SP2: variants seen among roughly 807,000 people sequenced by gnomAD.
SP2 encodes the protein transcription factor Sp2.
Under a neutral mutation model 50.1 loss-of-function variants are expected in SP2, and 9 were observed. The observed-to-expected ratio is 0.18, with a 90% CI of 0.11 to 0.31. The LOEUF (loss-of-function observed/expected upper bound fraction) is 0.31. SP2 is among the 10% of genes least tolerant of loss of function. The pLI, the probability that SP2 is intolerant of heterozygous loss-of-function variation, is 1.00. For missense variants in SP2, 581 were observed against 806.5 expected (o/e 0.72, Z 3.39); for synonymous variants, 313 against 326.6 (o/e 0.96, Z 0.45).
chr17:47,909,918 G>A (rs1024809279), intron 1 of SP2, among the ~76,000 whole-genome samples: 2 of 152,154 alleles, frequency 1.3e-5, no homozygotes, highest in African/African-American at 4.8e-5. Context: ...CACCATCTCG[G>A]CTCACTGCAA....
rs774644043 is a variant in SP2 at position 47,925,020 on chromosome 17, G to A, written c.1474G>A (p.Gly492Arg). 3.5e-5 allele frequency: 57 copies of A among 1,614,046 alleles called. No homozygotes were observed. Among genetic ancestry groups the A allele is most frequent in the East Asian group, 6.7e-5 (3 of 44,894 alleles). ...IQLQMEQALA[G>R]ETQPGEKRRR... ...GCTGCAAATGGAACAAGCCCTGGCC[G>A]GAGAGACCCAGCCCGGGGAGAAGCG... is the stretch of plus-strand genomic sequence containing the variant. Residue 492 changes from glycine (G) to arginine (R), a missense_variant, in exon 5 of 7, where the codon GGA becomes AGA. Gly to Arg is a moderately radical substitution (Grantham distance 125). This residue lies in a region of SP2 where 184 missense variants were observed against 315.5 expected (regional missense o/e 0.58). Transcript: ENST00000376741.
intron 4 of SP2, among the ~76,000 whole-genome samples, chr17:47,924,248 ACTT>A (rs759712109): frequency 1.3e-4 from 19 of 151,420 alleles, no homozygotes; most frequent in East Asian, 2.0e-4. Flanking sequence ...CAGTCCTCCT[ACTT>A]CTTCTTCCTG....
At chr17:47,926,318 T>TG (rs1469891528) in intron 6 of SP2, among the ~76,000 whole-genome samples, 9 of 148,758 alleles carry the variant, frequency 6.1e-5, no homozygotes, top group East Asian at 2.0e-4. Flanking sequence ...GCTTTTTGTT[T>TG]TTTTTTTTTT....
At chr17:47,898,344 A>C (rs1271306310) in intron 1 of SP2, 1 of 152,194 alleles carries the variant, frequency 6.6e-6, no homozygotes, top group East Asian at 1.9e-4. Flanking sequence ...TTTGGCCTTG[A>C]ACTTCTTATT....
chr17:47,911,767 C>T (rs1325549522), intron 1 of SP2, among the ~76,000 whole-genome samples: 2 of 150,524 alleles, frequency 1.3e-5, no homozygotes, highest in Non-Finnish European at 3.0e-5. Flanking sequence ...ATCGTGTCAC[C>T]GCACTCCAAC....
intron 6 of SP2, among the ~76,000 whole-genome samples, chr17:47,926,032 T>C: frequency 6.8e-6 from 1 of 147,122 alleles, no homozygotes; most frequent in East Asian, 2.1e-4. Flanking sequence ...TTCTCCTGCC[T>C]CAGCTTCTCA....
intron 1 of SP2, among the ~76,000 whole-genome samples, chr17:47,902,295 A>G (rs1373909525): frequency 2.0e-5 from 3 of 152,164 alleles, no homozygotes; most frequent in African/African-American, 7.2e-5. Context: ...CAGGTGAAAG[A>G]GGTTAGGTCA....
chr17:47,925,232 C>T, intron 5 of SP2, 116 bp from the exon 6 acceptor site: 1 of 1,408,968 alleles, frequency 7.1e-7, no homozygotes, highest in Non-Finnish European at 9.7e-7. Context: ...CCCCCTGCCT[C>T]CTTGTGCTCT....
At chr17:47,922,709 C>A (rs1400616576) in intron 3 of SP2, among the ~76,000 whole-genome samples, 1 of 152,132 alleles carries the variant, frequency 6.6e-6, no homozygotes, top group Non-Finnish European at 1.5e-5. Context: ...AATTCTGATT[C>A]TTGGCAATTA....
chr17:47,930,727 GA>G (rs2035800976), downstream of SP2, among the ~76,000 whole-genome samples: 1 of 152,160 alleles, frequency 6.6e-6, no homozygotes, highest in South Asian at 2.1e-4. Flanking sequence ...ACCTGATCCT[GA>G]TGGGCCCTTG....
In SP2 at chr17:47,919,825, C is replaced by CTTTTTTTTTTTTTTTTT. The variant is rs141856390; in HGVS notation, c.1059+2701_1059+2717dup. On this transcript the variant is annotated intron_variant, in intron 3 of 6. Coordinates refer to ENST00000376741, the MANE Select transcript of SP2 (RefSeq NM_003110.6). Reference sequence around the variant, plus strand: ...TTTGATCTGAAACACTTTGTCATTCCTTTTTTTTTTTTTTTTTTTTTTCTG... The same window carrying CTTTTTTTTTTTTTTTTT: ...TTTGATCTGAAACACTTTGTCATTCCTTTTTTTTTTTTTTTTTTTTTTTTTTTTTTTTTTTTTTTCTG... 7.5e-4 allele frequency among the ~76,000 whole-genome samples: 71 copies of CTTTTTTTTTTTTTTTTT among 94,800 alleles called. 3 individuals carry two copies. The highest frequency in any genetic ancestry group is 2.5e-3 in the East Asian group (6 of 2,372). The allele number at this position is 94,800 out of a possible 152,430, so 62.2% of individuals were successfully genotyped here. A position where few individuals can be genotyped will look rare whatever the true frequency, so the allele number is the denominator to read the frequency against.
At chr17:47,903,197 T>A (rs567309877) in intron 1 of SP2, among the ~76,000 whole-genome samples, 9 of 152,222 alleles carry the variant, frequency 5.9e-5, no homozygotes, top group Non-Finnish European at 1.0e-4. Context: ...CCCACGAGAC[T>A]AGACAAAATC....
At chr17:47,927,281 C>T (rs1467327507) in intron 6 of SP2, among the ~76,000 whole-genome samples, 3 of 151,930 alleles carry the variant, frequency 2.0e-5, no homozygotes, top group African/African-American at 7.3e-5. Context: ...TGCCTGTAAT[C>T]CCAGCACTTT....
Position 47,928,038 on chromosome 17 carries a change from C to T in SP2, c.*214C>T, listed in dbSNP as rs543800675. ...TGGCCCTTCCCCTCACCACGAGCTC[C>T]CGGCCTGCCCAGACTGTGGACACTG... On this transcript the variant is annotated 3_prime_UTR_variant, in exon 7 of 7. Transcript: ENST00000376741. 310 of 542,526 alleles carry T rather than the reference C, an allele frequency of 5.7e-4. 3 individuals are homozygous for T. The South Asian group carries it at 6.7e-3, about 12-fold the overall frequency. The allele number at this position is 542,526 out of a possible 1,614,324, so 33.6% of individuals were successfully genotyped here.
At chr17:47,902,022 A>G (rs939801506) in intron 1 of SP2, among the ~76,000 whole-genome samples, 1 of 152,276 alleles carries the variant, frequency 6.6e-6, no homozygotes, top group East Asian at 1.9e-4. Flanking sequence ...AGGAGGCAAA[A>G]TGAGGATAAG....
chr17:47,922,022 C>G (rs1407267721), intron 3 of SP2, among the ~76,000 whole-genome samples: 1 of 152,148 alleles, frequency 6.6e-6, no homozygotes, highest in Non-Finnish European at 1.5e-5. Context: ...ATATTGAAAC[C>G]CATGAGTTTC....
chr17:47,902,848 C>T (rs950111644), intron 1 of SP2, among the ~76,000 whole-genome samples: 8 of 152,168 alleles, frequency 5.3e-5, no homozygotes, highest in African/African-American at 1.7e-4. Flanking sequence ...CTCCACCTCC[C>T]GGGTTCAAGC....
At chr17:47,917,462 G>C (rs1301669136) in intron 3 of SP2, among the ~76,000 whole-genome samples, 1 of 151,828 alleles carries the variant, frequency 6.6e-6, no homozygotes, top group African/African-American at 2.4e-5. Flanking sequence ...ACATTAGCAA[G>C]AATGAAAACA....
At chr17:47,896,694 T>G (rs1390075350) in intron 1 of SP2, among the ~76,000 whole-genome samples, 2 of 152,204 alleles carry the variant, frequency 1.3e-5, no homozygotes, top group Non-Finnish European at 2.9e-5. Flanking sequence ...AGCCCTTGTG[T>G]TCGCCCCGTG....
Sources: gnomAD v4.1 joint callset for allele counts (sites outside exome capture counted in the v4.1 genomes callset) on GRCh38, gnomAD v4.1.1 for gene constraint, gnomAD v4.1.1 regional missense constraint, MANE v1.5 for transcripts, NCBI Gene and HGNC (gene_info 2026-07-23, HGNC 2026-07-21) for gene names.